CHST8: variants seen among roughly 807,000 people sequenced by gnomAD.
The protein encoded by CHST8 is GALNAC-4-ST1.
CHST8 carries 10 observed loss-of-function variants against 15.0 expected under a neutral mutation model. That is an observed-to-expected ratio of 0.67 (90% CI 0.41 to 1.13). CHST8 has a LOEUF of 1.13. CHST8 is among the 50% of genes most tolerant of loss of function. The pLI is 0.00. For synonymous variants in CHST8, 259 were observed against 256.6 expected (o/e 1.01, Z -0.09); for missense variants, 634 against 608.2 (o/e 1.04, Z -0.45).
intron 2 of CHST8, among the ~76,000 whole-genome samples, chr19:33,672,212 G>T (rs1468645084): frequency 6.6e-6 from 1 of 151,850 alleles, no homozygotes; most frequent in African/African-American, 2.4e-5. Flanking sequence ...TGTGTGTGTG[G>T]TGGGGTATAG....
intron 1 of CHST8, among the ~76,000 whole-genome samples, chr19:33,638,721 G>T (rs911359240): frequency 2.0e-5 from 3 of 152,164 alleles, no homozygotes; most frequent in African/African-American, 7.2e-5. Context: ...GCTAAATGTA[G>T]CTTCCTGGGG....
chr19:33,638,532 A>G (rs1299094818), intron 1 of CHST8, among the ~76,000 whole-genome samples: 1 of 152,198 alleles, frequency 6.6e-6, no homozygotes, highest in African/African-American at 2.4e-5. Context: ...GGCCGGCCAC[A>G]GTGCACAACA....
Position 33,709,601 on chromosome 19 carries a change from A to T in CHST8, c.130+20210A>T, listed in dbSNP as rs543911864. ...ATCCTTTTTATATGTTACTGAATTA[A>T]GTTTGCTCAAATTTTGTTGTGGATT... On this transcript the variant is annotated intron_variant, in intron 3 of 4. Coordinates refer to ENST00000650847, the MANE Select transcript of CHST8 (RefSeq NM_001127895.2). Among the ~76,000 whole-genome samples the T allele has an allele frequency of 6.6e-5, 10 of 151,342 alleles. No individual in the cohort carries two copies. In the South Asian group the frequency reaches 2.1e-3, roughly 32 times the overall value.
At chr19:33,701,502 C>T (rs1426875586) in intron 3 of CHST8, among the ~76,000 whole-genome samples, 1 of 152,014 alleles carries the variant, frequency 6.6e-6, no homozygotes, top group Non-Finnish European at 1.5e-5. Flanking sequence ...CTAAAAGTTC[C>T]TAGGGGCGGG....
intron 3 of CHST8, among the ~76,000 whole-genome samples, chr19:33,768,526 A>G (rs1203248237): frequency 1.3e-5 from 2 of 152,030 alleles, no homozygotes; most frequent in African/African-American, 4.8e-5. Flanking sequence ...ATCTCAGCTC[A>G]CTGCAATCTC....
intron 1 of CHST8, among the ~76,000 whole-genome samples, chr19:33,634,182 C>T (rs1972161218): frequency 6.6e-6 from 1 of 152,174 alleles, no homozygotes; most frequent in Admixed American, 6.5e-5. Flanking sequence ...CCAGTATATG[C>T]ATGAGTGTTC....
At chr19:33,711,369 GA>G (rs1973545664) in intron 3 of CHST8, among the ~76,000 whole-genome samples, 1 of 152,172 alleles carries the variant, frequency 6.6e-6, no homozygotes. Context: ...TCTGTAAATA[GA>G]GCCCTCAGAA....
chr19:33,715,630 T>G (rs1001798615), intron 3 of CHST8, among the ~76,000 whole-genome samples: 7 of 152,114 alleles, frequency 4.6e-5, no homozygotes, highest in African/African-American at 1.7e-4. Flanking sequence ...GTGCAGATCT[T>G]CAGCAGGCAG....
At chr19:33,652,408 C>T (rs1972461411) in intron 1 of CHST8, among the ~76,000 whole-genome samples, 1 of 121,456 alleles carries the variant, frequency 8.2e-6, no homozygotes, top group Admixed American at 1.1e-4. Flanking sequence ...CAGCTTCTTG[C>T]TCTGTCATCC....
rs76624725 is a variant in CHST8, at chr19:33,720,925, G to A, written c.130+31534G>A. 2.2e-3 allele frequency among the ~76,000 whole-genome samples: 340 copies of A among 152,388 alleles called. 4 individuals are homozygous for A. The highest frequency in any genetic ancestry group is 0.017 in the Admixed American group (261 of 15,306). On this transcript the variant is annotated intron_variant, in intron 3 of 4. Transcript: ENST00000650847. ...CCACCAGCACTGGCCCGACGTGGAC[G>A]CAGGGAGGAGTGGTGCCCAGACCTG...
intron 3 of CHST8, among the ~76,000 whole-genome samples, chr19:33,707,332 G>T (rs780770394): frequency 1.3e-5 from 2 of 152,076 alleles, no homozygotes; most frequent in African/African-American, 4.8e-5. Context: ...GGGATTACAC[G>T]CATGAGCCAC....
intron 3 of CHST8, among the ~76,000 whole-genome samples, chr19:33,734,489 A>G (rs1006284441): frequency 2.0e-5 from 3 of 152,108 alleles, no homozygotes; most frequent in Non-Finnish European, 2.9e-5. Context: ...CCCCTTCCCT[A>G]TAACAGCAAT....
intron 3 of CHST8, among the ~76,000 whole-genome samples, chr19:33,706,794 A>G (rs948611519): frequency 1.3e-5 from 2 of 152,216 alleles, no homozygotes; most frequent in African/African-American, 4.8e-5. Context: ...CTGGGCTTAA[A>G]TCAACTGTGC....
intron 3 of CHST8, among the ~76,000 whole-genome samples, chr19:33,732,747 C>A (rs887537754): frequency 2.0e-5 from 3 of 152,080 alleles, no homozygotes; most frequent in Non-Finnish European, 4.4e-5. Context: ...GGCAGCAGGG[C>A]AACGCCAGAC....
chr19:33,722,260 G>C (rs944903403), intron 3 of CHST8, among the ~76,000 whole-genome samples: 2 of 147,202 alleles, frequency 1.4e-5, no homozygotes, highest in Admixed American at 1.4e-4. Flanking sequence ...GAGGGAGGGA[G>C]TGATAGATGA....
At chr19:33,709,278 C>T (rs939920034) in intron 3 of CHST8, among the ~76,000 whole-genome samples, 1 of 152,156 alleles carries the variant, frequency 6.6e-6, no homozygotes, top group African/African-American at 2.4e-5. Flanking sequence ...TGAGAGTAGA[C>T]ATTCATGCTT....
intron 2 of CHST8, among the ~76,000 whole-genome samples, chr19:33,686,532 A>G (rs1266278079): frequency 1.3e-5 from 2 of 152,238 alleles, no homozygotes; most frequent in African/African-American, 4.8e-5. Context: ...GATGATGATC[A>G]CACATGCTCC....
intron 2 of CHST8, among the ~76,000 whole-genome samples, chr19:33,688,156 C>G (rs1039883729): frequency 1.3e-5 from 2 of 152,196 alleles, no homozygotes; most frequent in African/African-American, 4.8e-5. Context: ...GCTCTCTCCC[C>G]CTGTACTCTG....
intron 3 of CHST8, among the ~76,000 whole-genome samples, chr19:33,758,298 C>T (rs949981686): frequency 6.6e-6 from 1 of 152,114 alleles, no homozygotes; most frequent in Non-Finnish European, 1.5e-5. Flanking sequence ...ACCCAGACTC[C>T]GGGACCCCTG....
Sources: allele counts gnomAD v4.1 joint callset (sites outside exome capture counted in the v4.1 genomes callset), GRCh38; gene constraint gnomAD v4.1.1; transcripts MANE v1.5; gene names NCBI Gene and HGNC (gene_info 2026-07-23, HGNC 2026-07-21).